DHRSX: variants seen among roughly 807,000 people sequenced by gnomAD.
DHRSX encodes dehydrogenase/reductase X-linked, also known as polyprenol dehydrogenase.
A neutral mutation model predicts 34.0 loss-of-function variants in DHRSX; 31 were observed. That is an observed-to-expected ratio of 0.91 (90% CI 0.69 to 1.23). The LOEUF is 1.23. DHRSX is among the 50% of genes most tolerant of loss of function. The pLI is 0.00. For synonymous variants in DHRSX, 201 were observed against 183.8 expected, an observed-to-expected ratio of 1.09 and a Z score of -0.76; for missense variants, 414 against 428.1, an observed-to-expected ratio of 0.97 and a Z score of 0.29.
intron 2 of DHRSX, among the ~76,000 whole-genome samples, chrX:2,417,193 C>G (rs2043705577): frequency 6.6e-6 from 1 of 152,180 alleles, no homozygotes; most frequent in Non-Finnish European, 1.5e-5. Context: ...AGAAAAAAGG[C>G]ACATTGGTGC....
intron 1 of DHRSX, among the ~76,000 whole-genome samples, chrX:2,427,419 G>T (rs2043864129): frequency 6.6e-6 from 1 of 152,194 alleles, no homozygotes; most frequent in African/African-American, 2.4e-5. Flanking sequence ...GAATCCACTT[G>T]AGCTGGAGGA....
At chrX:2,474,360 G>A in intron 1 of DHRSX, among the ~76,000 whole-genome samples, 1 of 152,074 alleles carries the variant, frequency 6.6e-6, no homozygotes, top group African/African-American at 2.4e-5. Flanking sequence ...CCCTAAGAAT[G>A]GGGCCAAGGG....
At chrX:2,432,522 G>A (rs2124658036) in intron 1 of DHRSX, among the ~76,000 whole-genome samples, 1 of 152,268 alleles carries the variant, frequency 6.6e-6, no homozygotes, top group East Asian at 1.9e-4. Flanking sequence ...ATTAATGGAG[G>A]AAGGAACAGG....
At chrX:2,345,505 G>C (rs1450100395) in intron 3 of DHRSX, among the ~76,000 whole-genome samples, 1 of 151,680 alleles carries the variant, frequency 6.6e-6, no homozygotes, top group Non-Finnish European at 1.5e-5. Context: ...AAATTAGCTG[G>C]GCGTGGTGGT....
intron 3 of DHRSX, among the ~76,000 whole-genome samples, chrX:2,330,983 T>A (rs2042465346): frequency 6.6e-6 from 1 of 152,110 alleles, no homozygotes; most frequent in Admixed American, 6.6e-5. Flanking sequence ...GAGACAATGT[T>A]GAGCGACCCG....
chrX:2,307,455 AT>A (rs774154372), intron 3 of DHRSX, among the ~76,000 whole-genome samples: 4 of 151,350 alleles, frequency 2.6e-5, no homozygotes, highest in Non-Finnish European at 4.4e-5. Flanking sequence ...ACCTCATGAA[AT>A]TTTTTTTAAA....
At chrX:2,346,653 T>TG (rs1556483989) in intron 3 of DHRSX, among the ~76,000 whole-genome samples, 30 of 150,842 alleles carry the variant, frequency 2.0e-4, no homozygotes, top group Non-Finnish European at 2.7e-4. Flanking sequence ...TGGTTTTTTT[T>TG]TTGTTGTTGT....
At chrX:2,315,872 T>C (rs2042236074) in intron 3 of DHRSX, among the ~76,000 whole-genome samples, 1 of 152,102 alleles carries the variant, frequency 6.6e-6, no homozygotes, top group South Asian at 2.1e-4. Context: ...ATTTTCTCTC[T>C]TTTCTTTGAG....
chrX:2,375,766 A>G lies in DHRSX; in HGVS notation c.286+32979T>C, dbSNP rs1213678225. ...TCCTGCCTCAGCCTCCTCAGTAGCT[A>G]CGACTACAGGCGTGCACCCCCACGC... On this transcript the variant is annotated intron_variant, in intron 3 of 6. Transcript: ENST00000334651. 1.5e-5 allele frequency among the ~76,000 whole-genome samples: 2 copies of G among 135,780 alleles called. 1 individual carries two copies. Among genetic ancestry groups the G allele is most frequent in the Admixed American group, 1.5e-4 (2 of 13,540 alleles). The allele number at this position is 135,780 out of a possible 152,430, so 89.1% of individuals were successfully genotyped here.
intron 3 of DHRSX, among the ~76,000 whole-genome samples, chrX:2,294,958 C>T (rs2041915038): frequency 6.6e-6 from 1 of 152,150 alleles, no homozygotes; most frequent in Non-Finnish European, 1.5e-5. Context: ...GAAATAGGAA[C>T]ATTTTTACAC....
At chrX:2,302,097 G>C (rs933596709) in intron 3 of DHRSX, among the ~76,000 whole-genome samples, 2 of 152,042 alleles carry the variant, frequency 1.3e-5, no homozygotes, top group Non-Finnish European at 2.9e-5. Flanking sequence ...GGCTGATCTA[G>C]GACACTTTAA....
intron 1 of DHRSX, chrX:2,488,658 T>A (rs1290486273): frequency 1.2e-6 from 2 of 1,610,042 alleles, no homozygotes; most frequent in African/African-American, 2.7e-5. Flanking sequence ...CTGTCCCTAA[T>A]GCCAAAGAAA....
At chrX:2,443,931 G>A (rs1452693915) in intron 1 of DHRSX, among the ~76,000 whole-genome samples, 7 of 151,826 alleles carry the variant, frequency 4.6e-5, no homozygotes, top group African/African-American at 9.7e-5. Context: ...GCGTGAACCC[G>A]GGAGGTGGAG....
At chrX:2,268,281 C>T (rs1221209888) in intron 4 of DHRSX, among the ~76,000 whole-genome samples, 1 of 152,182 alleles carries the variant, frequency 6.6e-6, no homozygotes, top group East Asian at 1.9e-4. Flanking sequence ...CTGCCTTGTA[C>T]TTAGAGCAGA....
intron 3 of DHRSX, among the ~76,000 whole-genome samples, chrX:2,321,330 C>T (rs2042308674): frequency 6.6e-6 from 1 of 152,114 alleles, no homozygotes; most frequent in Admixed American, 6.6e-5. Context: ...ACATTTACAG[C>T]TCGTGTCAGC....
At chrX:2,442,022 TGAG>T (rs2044068735) in intron 1 of DHRSX, among the ~76,000 whole-genome samples, 1 of 152,176 alleles carries the variant, frequency 6.6e-6, no homozygotes, top group African/African-American at 2.4e-5. Flanking sequence ...TGCAGTGAGC[TGAG>T]ATCATGCCAC....
At chrX:2,387,411 G>A (rs1190410011) in intron 3 of DHRSX, among the ~76,000 whole-genome samples, 1 of 152,110 alleles carries the variant, frequency 6.6e-6, no homozygotes, top group Non-Finnish European at 1.5e-5. Flanking sequence ...TCCCACAATA[G>A]ACTGTCTGCA....
intron 3 of DHRSX, among the ~76,000 whole-genome samples, chrX:2,361,281 A>AT (rs1340371748): frequency 6.6e-6 from 1 of 151,934 alleles, no homozygotes; most frequent in Non-Finnish European, 1.5e-5. Flanking sequence ...CAATTTTTGT[A>AT]TTTTTAGTAG....
At chrX:2,334,147 T>G (rs2042519535) in intron 3 of DHRSX, 1 of 146,064 alleles carries the variant, frequency 6.8e-6, no homozygotes, top group East Asian at 1.9e-4. Flanking sequence ...ATGGTAATTC[T>G]GTTGTTTTAA....
Sources: gnomAD v4.1 joint callset for allele counts (sites outside exome capture counted in the v4.1 genomes callset) on GRCh38, gnomAD v4.1.1 for gene constraint, MANE v1.5 for transcripts, NCBI Gene and HGNC (gene_info 2026-07-23, HGNC 2026-07-21) for gene names.